IMMP2L: variants seen among roughly 807,000 people sequenced by gnomAD.
IMMP2L encodes the protein mitochondrial inner membrane protease subunit 2.
A neutral mutation model predicts 19.3 loss-of-function variants in IMMP2L; 18 were observed. The ratio of observed to expected loss-of-function variants is 0.93; its 90% CI spans 0.64 to 1.38. The LOEUF (loss-of-function observed/expected upper bound fraction) is 1.38, where lower values mean the gene tolerates loss of function less well. Ranked by LOEUF, IMMP2L falls within the 40% of genes most tolerant of loss-of-function variation. The probability of loss-of-function intolerance (pLI) is 0.00; values close to 1 mark genes in which losing one functional copy is unlikely to be tolerated. For missense variants in IMMP2L, 233 were observed against 218.2 expected (o/e 1.07, Z -0.43); for synonymous variants, 76 against 73.0 (o/e 1.04, Z -0.21).
intron 5 of IMMP2L, among the ~76,000 whole-genome samples, chr7:110,799,718 C>T (rs186875610): frequency 2.0e-5 from 3 of 152,108 alleles, no homozygotes; most frequent in East Asian, 3.9e-4. Flanking sequence ...CAAATAAAGA[C>T]GGAAAATGTT....
Position 111,551,492 on chromosome 7 carries a change from A to C in IMMP2L, c.-3+10359T>G, listed in dbSNP as rs77383035. ...GTTAGGTATGTTAGGTATGACTGTT[A>C]GAGGTGTGTGTGTGTGTGTGTGTGT... On this transcript the variant is annotated intron_variant, in intron 1 of 5. Transcript: ENST00000405709. Among the ~76,000 whole-genome samples the C allele has an allele frequency of 8.4e-4, 84 of 100,240 alleles. No individual in the cohort carries two copies. In the East Asian group the frequency reaches 0.024, roughly 29 times the overall value. 65.8% of individuals were successfully genotyped at this position (100,240 alleles called of 152,430 possible). A position where few individuals can be genotyped will look rare whatever the true frequency, so the allele number is the denominator to read the frequency against.
intron 3 of IMMP2L, among the ~76,000 whole-genome samples, chr7:111,165,143 A>G (rs1562876040): frequency 1.3e-5 from 2 of 152,024 alleles, no homozygotes; most frequent in Non-Finnish European, 2.9e-5. Context: ...TGACTATTCT[A>G]GGTACCTCAT....
intron 5 of IMMP2L, among the ~76,000 whole-genome samples, chr7:110,819,375 T>G (rs969634213): frequency 6.6e-6 from 1 of 152,058 alleles, no homozygotes; most frequent in Non-Finnish European, 1.5e-5. Context: ...ATATGAACTT[T>G]ACCCTACATG....
intron 5 of IMMP2L, among the ~76,000 whole-genome samples, chr7:110,764,133 G>A (rs987565323): frequency 1.3e-5 from 2 of 152,072 alleles, no homozygotes; most frequent in African/African-American, 4.8e-5. Context: ...CAAGGTAACA[G>A]AACTGGATAA....
chr7:110,852,517 C>A (rs1585032734), intron 5 of IMMP2L, among the ~76,000 whole-genome samples: 2 of 152,086 alleles, frequency 1.3e-5, no homozygotes, highest in African/African-American at 4.8e-5. Context: ...TTCTATAGGG[C>A]TGTTGATGAT....
intron 3 of IMMP2L, among the ~76,000 whole-genome samples, chr7:111,041,718 C>A (rs1415318182): frequency 1.3e-5 from 2 of 151,972 alleles, no homozygotes; most frequent in Non-Finnish European, 2.9e-5. Flanking sequence ...ACTAGGTGCA[C>A]ATGATTCTGA....
chr7:111,226,134 C>G (rs1813067865), intron 3 of IMMP2L, among the ~76,000 whole-genome samples: 1 of 151,840 alleles, frequency 6.6e-6, no homozygotes, highest in Admixed American at 6.6e-5. Context: ...TTCTGTCACT[C>G]CCTAATTGAT....
chr7:110,779,562 C>T (rs1303400460), intron 5 of IMMP2L, among the ~76,000 whole-genome samples: 1 of 151,820 alleles, frequency 6.6e-6, no homozygotes, highest in Non-Finnish European at 1.5e-5. Context: ...TCTTAAACTC[C>T]AAACAGCATG....
chr7:111,349,469 CCA>C (rs1220593190), intron 3 of IMMP2L, among the ~76,000 whole-genome samples: 29 of 152,152 alleles, frequency 1.9e-4, no homozygotes, highest in African/African-American at 6.7e-4. Flanking sequence ...CAAATGCAAC[CCA>C]GTTAATTTAC....
At chr7:110,792,013 T>C (rs1013426355) in intron 5 of IMMP2L, among the ~76,000 whole-genome samples, 1 of 151,874 alleles carries the variant, frequency 6.6e-6, no homozygotes, top group Non-Finnish European at 1.5e-5. Flanking sequence ...TATTCTTGCA[T>C]CTTACCCTTC....
intron 4 of IMMP2L, among the ~76,000 whole-genome samples, chr7:110,896,875 T>C (rs753995599): frequency 2.6e-5 from 4 of 152,044 alleles, no homozygotes; most frequent in Non-Finnish European, 4.4e-5. Flanking sequence ...GGCATGACCA[T>C]AGCTCACTGC....
intron 5 of IMMP2L, among the ~76,000 whole-genome samples, chr7:110,722,644 G>A (rs532037296): frequency 2.6e-5 from 4 of 152,150 alleles, no homozygotes; most frequent in Admixed American, 6.5e-5. Flanking sequence ...AATATATGCC[G>A]ATTTTTGTTT....
intron 4 of IMMP2L, among the ~76,000 whole-genome samples, chr7:110,904,764 C>A (rs985346191): frequency 6.6e-6 from 1 of 152,184 alleles, no homozygotes; most frequent in African/African-American, 2.4e-5. Flanking sequence ...AGCTTTACAG[C>A]TCTAGTGCAT....
chr7:110,864,235 T>A (rs1199645539), intron 5 of IMMP2L, among the ~76,000 whole-genome samples: 3 of 152,102 alleles, frequency 2.0e-5, no homozygotes, highest in Non-Finnish European at 4.4e-5. Flanking sequence ...GAAATGCATT[T>A]GATGAGATGA....
chr7:111,444,008 C>A (rs1026961769), intron 3 of IMMP2L, among the ~76,000 whole-genome samples: 1 of 152,050 alleles, frequency 6.6e-6, no homozygotes, highest in African/African-American at 2.4e-5. Context: ...AAAATTATTT[C>A]TCTGCAAATA....
intron 5 of IMMP2L, among the ~76,000 whole-genome samples, chr7:110,882,840 A>G (rs950883442): frequency 1.3e-5 from 2 of 151,844 alleles, no homozygotes; most frequent in African/African-American, 4.8e-5. Context: ...TAGATACTAA[A>G]TTGCTTAAAA....
intron 3 of IMMP2L, among the ~76,000 whole-genome samples, chr7:111,181,159 C>T (rs1807663379): frequency 6.6e-6 from 1 of 152,000 alleles, no homozygotes; most frequent in African/African-American, 2.4e-5. Flanking sequence ...GCAACTTGCA[C>T]ATATGTTTAG....
At chr7:110,903,831 C>T (rs1378223803) in intron 4 of IMMP2L, among the ~76,000 whole-genome samples, 3 of 150,278 alleles carry the variant, frequency 2.0e-5, no homozygotes, top group South Asian at 2.1e-4. Flanking sequence ...GTACTATTTT[C>T]GATTCCCACC....
At chr7:111,114,521 A>AAAT (rs746338730) in intron 3 of IMMP2L, among the ~76,000 whole-genome samples, 20 of 152,148 alleles carry the variant, frequency 1.3e-4, no homozygotes, top group Non-Finnish European at 2.8e-4. Flanking sequence ...GCAGATCATT[A>AAAT]GGTCAGGAGT....
Sources: gnomAD v4.1 joint callset for allele counts (sites outside exome capture counted in the v4.1 genomes callset) on GRCh38, gnomAD v4.1.1 for gene constraint, MANE v1.5 for transcripts, NCBI Gene and HGNC (gene_info 2026-07-23, HGNC 2026-07-21) for gene names.